TLL1: variants seen among roughly 807,000 people sequenced by gnomAD.
TLL1 encodes tolloid-like protein 1.
Under a neutral mutation model 128.2 loss-of-function variants are expected in TLL1, and 49 were observed. The observed-to-expected ratio is 0.38, with a 90% confidence interval of 0.30 to 0.48. The LOEUF is 0.48. Ranked by LOEUF, TLL1 falls within the 20% of genes least tolerant of loss-of-function variation. The pLI, the probability that TLL1 is intolerant of heterozygous loss-of-function variation, is 0.96. For missense variants in TLL1, 1,123 were observed against 1,242.0 expected, an observed-to-expected ratio of 0.90 and a Z score of 1.44; for synonymous variants, 454 against 418.8, an observed-to-expected ratio of 1.08 and a Z score of -1.03.
chr4:165,914,313 A>T (rs1376503964), intron 1 of TLL1, among the ~76,000 whole-genome samples: 1 of 152,152 alleles, frequency 6.6e-6, no homozygotes, highest in East Asian at 1.9e-4. Flanking sequence ...GAACTTACTC[A>T]TGCTATTTTT....
intron 18 of TLL1, among the ~76,000 whole-genome samples, chr4:166,089,245 G>A (rs552485916): frequency 2.2e-4 from 33 of 152,094 alleles, no homozygotes; most frequent in African/African-American, 5.3e-4. Flanking sequence ...CTCTAGGTGC[G>A]GTTAAGCCAA....
rs927524051 is a variant in TLL1 at position 165,927,878 on chromosome 4, A to G, written c.169+53805A>G. Reference sequence around the variant, plus strand: ...GTTGAGACCTCTTTGTTCTAGGAATATTTCCAGTTTGGTTTCTTCTTTATC... The same window carrying G: ...GTTGAGACCTCTTTGTTCTAGGAATGTTTCCAGTTTGGTTTCTTCTTTATC... On this transcript the variant is annotated intron_variant, in intron 1 of 20. Transcript: ENST00000061240. 1.3e-5 allele frequency among the ~76,000 whole-genome samples: 2 copies of G among 152,130 alleles called. 1 individual carries two copies. Among genetic ancestry groups the G allele is most frequent in the South Asian group, 4.1e-4 (2 of 4,828 alleles).
chr4:165,989,211 A>C (rs574333833), intron 1 of TLL1, among the ~76,000 whole-genome samples, 170 bp from the exon 2 acceptor site: 1 of 151,410 alleles, frequency 6.6e-6, no homozygotes, highest in South Asian at 2.1e-4. Flanking sequence ...ACAGGTAGCT[A>C]ATATTTGTCC....
At chr4:165,922,433 A>C (rs1484321046) in intron 1 of TLL1, among the ~76,000 whole-genome samples, 4 of 151,942 alleles carry the variant, frequency 2.6e-5, no homozygotes, top group African/African-American at 4.8e-5. Context: ...CTTCTCTATT[A>C]TTCTTCTTCC....
intron 1 of TLL1, among the ~76,000 whole-genome samples, chr4:165,968,272 C>A (rs1358129321): frequency 6.6e-6 from 1 of 152,118 alleles, no homozygotes; most frequent in East Asian, 1.9e-4. Context: ...GTTGTTTTGA[C>A]TATTTTTGAA....
intron 15 of TLL1, among the ~76,000 whole-genome samples, chr4:166,062,542 T>G (rs1212321772): frequency 6.6e-6 from 1 of 152,192 alleles, no homozygotes; most frequent in Non-Finnish European, 1.5e-5. Context: ...TGTATAGAAA[T>G]GCTTGTGATT....
At chr4:165,988,379 G>T (rs550527785) in intron 1 of TLL1, among the ~76,000 whole-genome samples, 1 of 152,232 alleles carries the variant, frequency 6.6e-6, no homozygotes, top group Non-Finnish European at 1.5e-5. Context: ...GGAGGCTGAG[G>T]CAGGAGTATT....
chr4:165,999,620 A>G (rs1737055882), intron 5 of TLL1, among the ~76,000 whole-genome samples: 1 of 149,614 alleles, frequency 6.7e-6, no homozygotes, highest in African/African-American at 2.5e-5. Flanking sequence ...TATCAGCCAC[A>G]AAGTCCAGCT....
chr4:166,071,981 G>A (rs1740819847), intron 16 of TLL1, among the ~76,000 whole-genome samples: 1 of 151,900 alleles, frequency 6.6e-6, no homozygotes, highest in African/African-American at 2.4e-5. Context: ...TTTTTAGTCT[G>A]CATGATGTAA....
chr4:166,039,566 A>T, intron 10 of TLL1, 125 bp downstream of exon 10: 1 of 711,530 alleles, frequency 1.4e-6, no homozygotes. Flanking sequence ...TTTTTATGTT[A>T]GTTATACTTT....
Position 165,992,806 on chromosome 4 carries a change from G to A in TLL1, c.283G>A (p.Gly95Arg). The change falls in exon 3 of 21, where the codon GGA (glycine) becomes AGA (arginine). Residue 95 changes from glycine to arginine, a missense_variant and splice_region_variant. Around this residue, in one of 3 missense-constraint regions of TLL1, gnomAD observed 480 missense variants for 542.4 expected, o/e 0.89. Transcript: ENST00000061240. The stretch of plus-strand genomic sequence containing the variant: ...CTTGTTTCCTTTTATTCTTTAAGGT[G>A]GACTTGGAGACCATGCTATGTCAAA... Reference protein sequence around the residue: ...PFGNLGHTTGGLGDHAMSKKR... With the variant: ...PFGNLGHTTGRLGDHAMSKKR... 1 of 1,612,988 alleles carries A rather than the reference G, an allele frequency of 6.2e-7. No individual in the cohort carries two copies. The highest frequency in any genetic ancestry group is 8.5e-7 in the Non-Finnish European group (1 of 1,179,162).
At chr4:166,068,651 A>G (rs954420495) in intron 16 of TLL1, among the ~76,000 whole-genome samples, 3 of 151,862 alleles carry the variant, frequency 2.0e-5, no homozygotes, top group Admixed American at 6.6e-5. Flanking sequence ...TTGCCCCAGA[A>G]ATCCCATTCA....
chr4:165,952,193 A>G (rs1734557065), intron 1 of TLL1, among the ~76,000 whole-genome samples: 1 of 152,160 alleles, frequency 6.6e-6, no homozygotes, highest in Non-Finnish European at 1.5e-5. Flanking sequence ...AAAATGTGAA[A>G]TGATGCTCTT....
At chr4:165,906,106 C>T (rs1476851691) in intron 1 of TLL1, among the ~76,000 whole-genome samples, 1 of 152,152 alleles carries the variant, frequency 6.6e-6, no homozygotes, top group African/African-American at 2.4e-5. Context: ...TAGCTGTGCT[C>T]ATTCTATTTT....
chr4:165,985,317 T>C (rs1469749987), intron 1 of TLL1, among the ~76,000 whole-genome samples: 1 of 151,992 alleles, frequency 6.6e-6, no homozygotes, highest in Non-Finnish European at 1.5e-5. Flanking sequence ...CTTGTCAGTG[T>C]GCTCTCGACT....
At chr4:165,978,275 GT>G (rs1393988847) in intron 1 of TLL1, among the ~76,000 whole-genome samples, 2 of 151,634 alleles carry the variant, frequency 1.3e-5, no homozygotes, top group Admixed American at 6.6e-5. Flanking sequence ...TTGTTTCCAG[GT>G]TTTTTTTATT....
chr4:166,081,927 G>A (rs1741300480), intron 18 of TLL1, among the ~76,000 whole-genome samples: 1 of 151,786 alleles, frequency 6.6e-6, no homozygotes, highest in South Asian at 2.1e-4. Flanking sequence ...CTAACTCTAG[G>A]GCAATCTGTT....
At chr4:165,952,418 C>T (rs1734568929) in intron 1 of TLL1, among the ~76,000 whole-genome samples, 2 of 152,082 alleles carry the variant, frequency 1.3e-5, no homozygotes, top group Admixed American at 1.3e-4. Flanking sequence ...CTAAATTATG[C>T]ATTAACTTGA....
Position 165,900,247 on chromosome 4 carries a change from A to T in TLL1, c.169+26174A>T, listed in dbSNP as rs955396293. On this transcript the variant is annotated intron_variant, in intron 1 of 20. Transcript: ENST00000061240. ...TAGCCTGTTTACATTTAAAGTTAATATTGTTATGTGTGAATTTGATCCTGT... is the reference window on the plus strand; with the variant it reads ...TAGCCTGTTTACATTTAAAGTTAATTTTGTTATGTGTGAATTTGATCCTGT... Among the ~76,000 whole-genome samples the T allele has an allele frequency of 2.0e-5, 3 of 151,996 alleles. No individual in the cohort carries two copies. In the South Asian group the frequency reaches 6.2e-4, roughly 32 times the overall value.
Sources: gnomAD v4.1 joint callset for allele counts (sites outside exome capture counted in the v4.1 genomes callset) on GRCh38, gnomAD v4.1.1 for gene constraint, gnomAD v4.1.1 regional missense constraint, MANE v1.5 for transcripts, NCBI Gene and HGNC (gene_info 2026-07-23, HGNC 2026-07-21) for gene names.